CCDC186: variants seen among roughly 807,000 people sequenced by gnomAD.
The protein encoded by CCDC186 is coiled-coil domain containing 186.
Under a neutral mutation model 113.7 loss-of-function variants are expected in CCDC186, and 49 were observed. The observed-to-expected ratio is 0.43, with a 90% CI of 0.34 to 0.55. The LOEUF (loss-of-function observed/expected upper bound fraction) is 0.55, where lower values mean the gene tolerates loss of function less well. CCDC186 is among the 20% of genes least tolerant of loss of function. CCDC186 has a pLI of 0.02. For synonymous variants in CCDC186, 355 were observed against 345.8 expected, an observed-to-expected ratio of 1.03 and a Z score of -0.30; for missense variants, 890 against 1,011.1, an observed-to-expected ratio of 0.88 and a Z score of 1.62.
At chr10:114,162,590 T>C (rs1334394284) in intron 2 of CCDC186, 47 bp downstream of exon 2, 2 of 1,341,572 alleles carry the variant, frequency 1.5e-6, no homozygotes, top group South Asian at 1.6e-5. Flanking sequence ...CTCGAATCCC[T>C]GTGCCTGTGA....
intron 6 of CCDC186, among the ~76,000 whole-genome samples, chr10:114,143,012 T>C (rs1354641795): frequency 6.6e-6 from 1 of 152,232 alleles, no homozygotes; most frequent in Non-Finnish European, 1.5e-5. Context: ...AAGGCTTTTA[T>C]AGCCTCCAAG....
chr10:114,148,742 T>C (rs1564912317), intron 4 of CCDC186, among the ~76,000 whole-genome samples: 1 of 152,234 alleles, frequency 6.6e-6, no homozygotes, highest in African/African-American at 2.4e-5. Context: ...CTTATTAATA[T>C]CAGGCCATGG....
intron 6 of CCDC186, among the ~76,000 whole-genome samples, chr10:114,141,947 TG>T: frequency 6.6e-6 from 1 of 152,342 alleles, no homozygotes; most frequent in South Asian, 2.1e-4. Flanking sequence ...TTTTGTCTTT[TG>T]TTTTTTAAGG....
At chr10:114,136,869 A>C (rs1337281278) in intron 7 of CCDC186, among the ~76,000 whole-genome samples, 1 of 152,212 alleles carries the variant, frequency 6.6e-6, no homozygotes, top group Non-Finnish European at 1.5e-5. Flanking sequence ...CTGTAATCCT[A>C]GCACTTTGGG....
intron 2 of CCDC186, among the ~76,000 whole-genome samples, chr10:114,159,640 C>CAAAAA (rs34339225): frequency 1.8e-5 from 1 of 55,484 alleles, no homozygotes; most frequent in Non-Finnish European, 3.7e-5. Flanking sequence ...GACTCCGTCT[C>CAAAAA]AAAAAAAAAA....
At position 114,131,206 on chromosome 10, in the gene CCDC186, A is replaced by G. The variant is rs1380388964; in HGVS notation, c.2042T>C (p.Val681Ala). The G allele has an allele frequency of 6.3e-7, 1 of 1,598,606 alleles. No individual in the cohort carries two copies. The highest frequency in any genetic ancestry group is 1.1e-5 in the South Asian group (1 of 88,324). Residue 681 changes from valine to alanine, a missense_variant, in exon 12 of 16, where the codon GTA (valine) becomes GCA (alanine). Val to Ala is a moderately conservative substitution (Grantham distance 64, BLOSUM62 0). Coordinates refer to ENST00000369287, the MANE Select transcript of CCDC186 (RefSeq NM_018017.4). Reference sequence around the variant, plus strand: ...AGAGGCATGTTTACGTCTCTGAGTTACTAACTCATCTTTTAATTCTTCTAC... The same window carrying G: ...AGAGGCATGTTTACGTCTCTGAGTTGCTAACTCATCTTTTAATTCTTCTAC... ...TQVEELKDEL[V>A]TQRRKHASSI...
At position 114,132,017 on chromosome 10, in the gene CCDC186, G is replaced by T. The variant is rs997546583; in HGVS notation, c.1823C>A (p.Ser608Tyr). ...AACTTTATCAAATTGTGACTGCAAA[G>T]AATTGGATTCAGACTGAAGCTGTGC... ...KNAQLQSESN[S>Y]LQSQFDKVSC... Residue 608 changes from serine to tyrosine, a missense_variant, in exon 11 of 16, where the codon TCT becomes TAT. By Grantham distance (144) the Ser-to-Tyr change is moderately radical (BLOSUM62 -2). Transcript: ENST00000369287. 3.1e-6 allele frequency: 5 copies of T among 1,613,188 alleles called. No individual in the cohort carries two copies. The highest frequency in any genetic ancestry group is 4.2e-6 in the Non-Finnish European group (5 of 1,179,690).
chr10:114,151,035 T>G (rs2031840926), intron 4 of CCDC186, 57 bp downstream of exon 4: 4 of 1,587,660 alleles, frequency 2.5e-6, no homozygotes, highest in Non-Finnish European at 3.4e-6. Context: ...TAGCTTATTT[T>G]AACAAACAAG....
chr10:114,137,402 T>C, intron 6 of CCDC186, 112 bp from the exon 7 acceptor site: 2 of 657,374 alleles, frequency 3.0e-6, no homozygotes, highest in South Asian at 3.6e-5. Flanking sequence ...AGGGGCCGAT[T>C]ATTATTCTAG....
Position 114,134,896 on chromosome 10 carries a change from A to G in CCDC186, c.1655+17T>C. The G allele has an allele frequency of 6.3e-7, 1 of 1,595,880 alleles. No homozygotes were observed. Reference sequence around the variant, plus strand: ...AAGCTTGCTTATTAATACAAACAGAAGTTGCTCATTTTGTACCTTTGAAGC... The same window carrying G: ...AAGCTTGCTTATTAATACAAACAGAGGTTGCTCATTTTGTACCTTTGAAGC... On this transcript the variant is annotated intron_variant, in intron 10 of 15. Transcript: ENST00000369287.
At chr10:114,157,451 C>T (rs1366746249) in intron 3 of CCDC186, 103 bp downstream of exon 3, 2 of 1,164,108 alleles carry the variant, frequency 1.7e-6, no homozygotes, top group Non-Finnish European at 2.3e-6. Context: ...CTTGGCCTCC[C>T]AAAGTGCTAC....
intron 2 of CCDC186, among the ~76,000 whole-genome samples, chr10:114,159,454 C>T (rs2032101014): frequency 6.6e-6 from 1 of 151,880 alleles, no homozygotes; most frequent in South Asian, 2.1e-4. Flanking sequence ...ACCACCCTGG[C>T]AAACATGGTG....
chr10:114,137,366 A>G (rs937918209), intron 6 of CCDC186, 76 bp from the exon 7 acceptor site: 1 of 971,498 alleles, frequency 1.0e-6, no homozygotes, highest in Non-Finnish European at 1.6e-6. Flanking sequence ...GCAAGTAGGA[A>G]GGTTCTTGTC....
At chr10:114,167,550 G>A (rs1222404247) in intron 1 of CCDC186, among the ~76,000 whole-genome samples, 2 of 151,994 alleles carry the variant, frequency 1.3e-5, no homozygotes, top group African/African-American at 2.4e-5. Flanking sequence ...AAGCTTTTTT[G>A]GGGGAGAGAG....
chr10:114,139,099 T>C (rs1359729066), intron 6 of CCDC186, among the ~76,000 whole-genome samples: 3 of 152,224 alleles, frequency 2.0e-5, no homozygotes. Context: ...TTGCCACATA[T>C]TAATTGTTCG....
At chr10:114,158,540 T>C (rs920168431) in intron 2 of CCDC186, among the ~76,000 whole-genome samples, 2 of 151,940 alleles carry the variant, frequency 1.3e-5, no homozygotes, top group African/African-American at 2.4e-5. Context: ...ATTATTATCA[T>C]TACCATCACT....
Position 114,131,170 on chromosome 10 carries a change from T to A in CCDC186, c.2078A>T (p.Asp693Val), listed in dbSNP as rs778107200. ...ACCTTGCTGAAGTTGTTTGGTGAGATCCTTGATACTAGAGGCATGTTTACG... is the reference window on the plus strand; with the variant it reads ...ACCTTGCTGAAGTTGTTTGGTGAGAACCTTGATACTAGAGGCATGTTTACG... ...QRRKHASSIK[D>V]LTKQLQQARR... is the part of the protein sequence containing the mutation. The change falls in exon 12 of 16, where the codon GAT becomes GTT. Residue 693 changes from aspartate to valine, a missense_variant. By Grantham distance (152) the Asp-to-Val change is radical (BLOSUM62 -3). Transcript: ENST00000369287. The A allele has an allele frequency of 6.4e-7, 1 of 1,562,454 alleles. No individual in the cohort carries two copies. Among genetic ancestry groups the A allele is most frequent in the South Asian group, 1.2e-5 (1 of 82,300 alleles).
intron 1 of CCDC186, among the ~76,000 whole-genome samples, chr10:114,164,130 T>C (rs1251124355): frequency 7.1e-6 from 1 of 140,180 alleles, no homozygotes; most frequent in Non-Finnish European, 1.6e-5. Flanking sequence ...TTTTTTTTTT[T>C]TTTTTTTGGG....
Position 114,149,534 on chromosome 10 carries a change from AAAGGG to A in CCDC186, c.888+1553_888+1557del, listed in dbSNP as rs1357336330. On this transcript the variant is annotated intron_variant, in intron 4 of 15. Transcript: ENST00000369287. Reference sequence around the variant, plus strand: ...GAAGAGTTTTAGGAAGGAAGGAAGGAAAGGGAAGGGAAGGGAAGGGAAGGAAAGGA... The same window carrying A: ...GAAGAGTTTTAGGAAGGAAGGAAGGAAAGGGAAGGGAAGGGAAGGAAAGGA... Among the ~76,000 whole-genome samples the A allele has an allele frequency of 7.5e-4, 95 of 126,002 alleles. 1 individual carries two copies. The highest frequency in any genetic ancestry group is 6.3e-3 in the East Asian group (25 of 3,996). 82.7% of individuals were successfully genotyped at this position (126,002 alleles called of 152,430 possible).
Sources: gnomAD v4.1 joint callset for allele counts (sites outside exome capture counted in the v4.1 genomes callset) on GRCh38, gnomAD v4.1.1 for gene constraint, MANE v1.5 for transcripts, NCBI Gene and HGNC (gene_info 2026-07-23, HGNC 2026-07-21) for gene names.